Variants in TF observed in about 807,000 individuals in gnomAD.
TF encodes serotransferrin.
TF carries 55 observed loss-of-function variants against 82.4 expected under a neutral mutation model. That is an observed-to-expected ratio of 0.67 (90% confidence interval 0.54 to 0.84). The LOEUF is 0.84. Among genes scored for constraint, TF ranks in the 40% least tolerant of loss-of-function variants. TF has a pLI of 0.00. For missense variants in TF, 737 were observed against 868.4 expected (o/e 0.85, Z 1.90); for synonymous variants, 332 against 332.6 (o/e 1.00, Z 0.02).
At position 133,794,572 on chromosome 3, in the gene TF, G is replaced by C. The variant is rs1424330056; in HGVS notation, c.*15952G>C. The stretch of plus-strand genomic sequence containing the variant: ...CTTCACAACCTAGAAACTGAAGATT[G>C]TATCTTCTGAAAACATTGGATAAAG... On this transcript the variant is annotated 3_prime_UTR_variant, in exon 17 of 17. Transcript: ENST00000402696. The C allele has an allele frequency of 2.0e-5, 3 of 152,184 alleles. No homozygotes were observed. The highest frequency in any genetic ancestry group is 2.9e-5 in the Non-Finnish European group (2 of 68,032). 9.4% of individuals were successfully genotyped at this position (152,184 alleles called of 1,614,324 possible).
chr3:133,730,407 A>G, the TF span, among the ~76,000 whole-genome samples: 2 of 152,182 alleles, frequency 1.3e-5, no homozygotes, highest in Non-Finnish European at 1.5e-5. Flanking sequence ...CACCTGCTAC[A>G]AATCTTCAGA....
chr3:133,699,455 A>C, the TF span: 1 of 1,235,916 alleles, frequency 8.1e-7, no homozygotes, highest in African/African-American at 1.5e-5. Context: ...AGAACCTGGC[A>C]AACAAGGCTG....
the TF span, chr3:133,688,364 A>G: frequency 6.6e-6 from 1 of 152,296 alleles, no homozygotes; most frequent in Admixed American, 6.5e-5. Context: ...AAGCCATCAC[A>G]GTTAAGTCAC....
At chr3:133,680,637 T>C in the TF span, among the ~76,000 whole-genome samples, 1 of 152,120 alleles carries the variant, frequency 6.6e-6, no homozygotes, top group Non-Finnish European at 1.5e-5. Flanking sequence ...TGCATAATTC[T>C]ACTCCCTTGG....
the TF span, among the ~76,000 whole-genome samples, chr3:133,730,901 G>T: frequency 6.6e-6 from 1 of 151,934 alleles, no homozygotes; most frequent in Non-Finnish European, 1.5e-5. Context: ...TACCCTAGGG[G>T]GTTGGTAAGT....
In TF at chr3:133,764,990, T is replaced by C. The variant is rs1934092126; in HGVS notation, c.1330+83T>C. The C allele has an allele frequency of 4.8e-6, 7 of 1,450,100 alleles. No homozygotes were observed. The East Asian group carries it at 1.1e-4, about 23-fold the overall frequency. The allele number at this position is 1,450,100 out of a possible 1,614,324, so 89.8% of individuals were successfully genotyped here. A position where few individuals can be genotyped will look rare whatever the true frequency, so the allele number is the denominator to read the frequency against. On this transcript the variant is annotated intron_variant, in intron 11 of 16. Coordinates refer to ENST00000402696, the MANE Select transcript of TF (RefSeq NM_001063.4). ...ATTGGTTAGATTTAAAATTCAAGTA[T>C]ATAAGGTGCTGTAAGAGACCAATTT...
At chr3:133,737,241 GAAAT>G in the TF span, among the ~76,000 whole-genome samples, 1 of 152,146 alleles carries the variant, frequency 6.6e-6, no homozygotes, top group African/African-American at 2.4e-5. Flanking sequence ...AATTAAGGCA[GAAAT>G]AAATAAGTTC....
At chr3:133,756,121 C>T (rs1933821911) in intron 5 of TF, among the ~76,000 whole-genome samples, 161 bp from the exon 6 acceptor site, 1 of 152,156 alleles carries the variant, frequency 6.6e-6, no homozygotes, top group Non-Finnish European at 1.5e-5. Context: ...TCCCCCATCT[C>T]AGCACTACGC....
At chr3:133,748,641 G>A (rs1470276745) in intron 2 of TF, 57 bp downstream of exon 2, 1 of 1,596,524 alleles carries the variant, frequency 6.3e-7, no homozygotes, top group Non-Finnish European at 8.6e-7. Flanking sequence ...TCTGTTTCCA[G>A]TCACTTTGGA....
In TF at chr3:133,790,236, AAT is replaced by A. The variant is rs1185740454; in HGVS notation, c.*11619_*11620del. ...AATTAGAAAGGTTGTGATATGGGGA[AAT>A]ATGTTTCTAAAATTGTGGAATTGTT... On this transcript the variant is annotated 3_prime_UTR_variant, in exon 17 of 17. Coordinates refer to ENST00000402696, the MANE Select transcript of TF (RefSeq NM_001063.4). 1 of 152,202 alleles carries A rather than the reference AAT, an allele frequency of 6.6e-6. No homozygotes were observed. The highest frequency in any genetic ancestry group is 2.4e-5 in the African/African-American group (1 of 41,444). 9.4% of individuals were successfully genotyped at this position (152,202 alleles called of 1,614,324 possible).
At chr3:133,720,822 G>A in the TF span, among the ~76,000 whole-genome samples, 5 of 151,764 alleles carry the variant, frequency 3.3e-5, no homozygotes, top group Non-Finnish European at 7.4e-5. Context: ...ATTTAATCTT[G>A]GTAGTTTTTA....
In TF at chr3:133,779,029, C is replaced by T. The variant is rs190436704; in HGVS notation, c.*409C>T. The T allele has an allele frequency of 3.2e-3, 699 of 219,936 alleles. 1 individual carries two copies. Among genetic ancestry groups the T allele is most frequent in the Non-Finnish European group, 2.9e-3 (321 of 109,604 alleles). The allele number at this position is 219,936 out of a possible 1,614,324, so 13.6% of individuals were successfully genotyped here. On this transcript the variant is annotated 3_prime_UTR_variant, in exon 17 of 17. Transcript: ENST00000402696. ...GTATACTGGTGTGTGTGTGCACGTG[C>T]GCGTGCGTGTGTCATGCTAAGGAAG... is the stretch of plus-strand genomic sequence containing the variant.
At position 133,781,591 on chromosome 3, in the gene TF, T is replaced by C. The variant is rs1934517014; in HGVS notation, c.*2971T>C. 1 of 152,104 alleles carries C rather than the reference T, an allele frequency of 6.6e-6. No homozygotes were observed. 9.4% of individuals were successfully genotyped at this position (152,104 alleles called of 1,614,324 possible). A position where few individuals can be genotyped will look rare whatever the true frequency, so the allele number is the denominator to read the frequency against. ...CTCAGTATTGTAAAGATGTCAATTC[T>C]CCCTAAATTAATCAATATACAATTT... On this transcript the variant is annotated 3_prime_UTR_variant, in exon 17 of 17. Coordinates refer to ENST00000402696, the MANE Select transcript of TF (RefSeq NM_001063.4).
At chr3:133,748,363 C>T (rs769444814) in intron 1 of TF, 49 bp from the exon 2 acceptor site, 2 of 1,610,908 alleles carry the variant, frequency 1.2e-6, no homozygotes, top group Non-Finnish European at 1.7e-6. Flanking sequence ...TGCTGTCTCT[C>T]CCTCAGCATA....
At chr3:133,755,658 A>C (rs1459029203) in intron 5 of TF, 163 bp downstream of exon 5, 1 of 891,414 alleles carries the variant, frequency 1.1e-6, no homozygotes, top group African/African-American at 1.6e-5. Context: ...CTCCTAGGCC[A>C]AGCCAGCCCA....
At position 133,771,743 on chromosome 3, in the gene TF, C is replaced by CAAAAAAAAAAAAAAAA. The variant is rs71136494; in HGVS notation, c.1687+1179_1687+1194dup. Among the ~76,000 whole-genome samples the CAAAAAAAAAAAAAAAA allele has an allele frequency of 8.9e-3, 500 of 56,494 alleles. 16 individuals carry two copies. The highest frequency in any genetic ancestry group is 0.01 in the Non-Finnish European group (346 of 34,478). 37.1% of individuals were successfully genotyped at this position (56,494 alleles called of 152,430 possible). ...TGGGCGACAGAGCGAGACTCCGTCT[C>CAAAAAAAAAAAAAAAA]AAAAAAAAAAAAAAAAAAAAAAAGA... On this transcript the variant is annotated intron_variant, in intron 14 of 16. Coordinates refer to ENST00000402696, the MANE Select transcript of TF (RefSeq NM_001063.4).
At chr3:133,667,830 T>C in the TF span, among the ~76,000 whole-genome samples, 3 of 152,204 alleles carry the variant, frequency 2.0e-5, no homozygotes, top group East Asian at 3.8e-4. Flanking sequence ...TGTCATGACA[T>C]AGTTTCTCAT....
chr3:133,705,193 G>A, the TF span, among the ~76,000 whole-genome samples: 174 of 151,796 alleles, frequency 1.1e-3, no homozygotes, highest in Admixed American at 3.2e-3. Flanking sequence ...AGAATCGCTT[G>A]AACCTGGGAG....
At chr3:133,765,812 T>C (rs1934113040) in intron 11 of TF, among the ~76,000 whole-genome samples, 3 of 152,264 alleles carry the variant, frequency 2.0e-5, no homozygotes, top group South Asian at 4.1e-4. Flanking sequence ...TTTTCCATTT[T>C]GCATATTTAT....
Sources: gnomAD v4.1 joint callset for allele counts (sites outside exome capture counted in the v4.1 genomes callset) on GRCh38, gnomAD v4.1.1 for gene constraint, MANE v1.5 for transcripts, NCBI Gene and HGNC (gene_info 2026-07-23, HGNC 2026-07-21) for gene names.